The following PLAAT3 variants were observed in gnomAD, a reference collection of about 807,000 sequenced individuals.
PLAAT3 encodes the protein phospholipase A and acyltransferase 3, also known as Ca-independent phospholipase A1/2.
In PLAAT3, 21 loss-of-function variants were observed where a neutral mutation model predicts 16.7. That is an observed-to-expected ratio of 1.26 (90% CI 0.89 to 1.81). PLAAT3 has a LOEUF of 1.81. PLAAT3 is among the 40% of genes most tolerant of loss of function. The pLI is 0.00. For missense variants in PLAAT3, 219 were observed against 213.7 expected (o/e 1.02, Z -0.16); for synonymous variants, 76 against 81.7 (o/e 0.93, Z 0.38).
chr11:63,592,135 T>C (rs1286479394), intron 3 of PLAAT3, among the ~76,000 whole-genome samples: 1 of 152,124 alleles, frequency 6.6e-6, no homozygotes, highest in Non-Finnish European at 1.5e-5. Flanking sequence ...GATGCACAAA[T>C]ACATATCAAC....
intron 2 of PLAAT3, among the ~76,000 whole-genome samples, chr11:63,603,237 T>C (rs1938473285): frequency 6.6e-6 from 1 of 152,098 alleles, no homozygotes; most frequent in African/African-American, 2.4e-5. Context: ...AGGATCAAGG[T>C]CAGGGCCAGC....
At chr11:63,600,791 A>T (rs1009285158) in intron 2 of PLAAT3, among the ~76,000 whole-genome samples, 2 of 150,538 alleles carry the variant, frequency 1.3e-5, no homozygotes, top group African/African-American at 4.9e-5. Flanking sequence ...TTTAGTAGAG[A>T]TGGGGTTTCA....
chr11:63,615,288 G>GTA (rs373881894), upstream of PLAAT3, among the ~76,000 whole-genome samples: 4 of 108,716 alleles, frequency 3.7e-5, 2 homozygotes, highest in African/African-American at 1.3e-4. Context: ...GTATATATGT[G>GTA]TATATATATG....
chr11:63,614,404 C>A lies in PLAAT3; in HGVS notation c.-74G>T, dbSNP rs138447550. On this transcript the variant is annotated 5_prime_UTR_variant, in exon 1 of 5. Transcript: ENST00000415826. Reference sequence around the variant, plus strand: ...ACCCACCTCGCGGTCTCGGAGGCAGCGCTGCAGCCCCAGCAATTGGACCGG... The same window carrying A: ...ACCCACCTCGCGGTCTCGGAGGCAGAGCTGCAGCCCCAGCAATTGGACCGG... 6.6e-3 allele frequency: 1,490 copies of A among 224,374 alleles called. 26 individuals are homozygous for A. Among genetic ancestry groups the A allele is most frequent in the African/African-American group, 0.032 (1,403 of 43,904 alleles). The allele number at this position is 224,374 out of a possible 1,614,324, so 13.9% of individuals were successfully genotyped here.
intron 3 of PLAAT3, among the ~76,000 whole-genome samples, chr11:63,590,837 G>C (rs1938134962): frequency 6.6e-6 from 1 of 152,164 alleles, no homozygotes; most frequent in African/African-American, 2.4e-5. Flanking sequence ...ACGCACAGCT[G>C]TCCCCCTAGC....
At chr11:63,575,269 G>A (rs983889174) in intron 4 of PLAAT3, among the ~76,000 whole-genome samples, 3 of 152,238 alleles carry the variant, frequency 2.0e-5, no homozygotes, top group Non-Finnish European at 4.4e-5. Context: ...TGGAACCAAA[G>A]ATGGAAAACT....
rs375439389 is a variant in PLAAT3 at position 63,590,217 on chromosome 11, G to A, written c.270C>T (p.Ser90=). 5 of 1,614,222 alleles carry A rather than the reference G, an allele frequency of 3.1e-6. No individual in the cohort carries two copies. Among genetic ancestry groups the A allele is most frequent in the Non-Finnish European group, 3.4e-6 (4 of 1,180,026 alleles). The change falls in exon 4 of 5, where the codon AGC becomes AGT. Residue 90 remains serine (S), a synonymous_variant. Coordinates refer to ENST00000415826, the MANE Select transcript of PLAAT3 (RefSeq NM_001128203.2). ...GCTCCTCCGCCCGCTGGATGATTTT[G>A]CTGCAGGGCAGCGGCGAGTACTTGT... ...HDDKYSPLPC[S]KIIQRAEELV... is the part of the protein sequence containing the mutation.
At chr11:63,611,176 C>T (rs1317824586) in intron 2 of PLAAT3, among the ~76,000 whole-genome samples, 1 of 152,084 alleles carries the variant, frequency 6.6e-6, no homozygotes, top group Non-Finnish European at 1.5e-5. Flanking sequence ...GGCGCAATCT[C>T]GGCTCACTGC....
At chr11:63,601,624 G>T (rs1717879333) in intron 2 of PLAAT3, among the ~76,000 whole-genome samples, 1 of 152,124 alleles carries the variant, frequency 6.6e-6, no homozygotes, top group African/African-American at 2.4e-5. Context: ...ATCTTTAAAA[G>T]ACACTGCGAA....
At chr11:63,610,603 CTTCTT>C (rs1938668609) in intron 2 of PLAAT3, among the ~76,000 whole-genome samples, 1 of 151,530 alleles carries the variant, frequency 6.6e-6, no homozygotes, top group Non-Finnish European at 1.5e-5. Context: ...GTCCTCTTCT[CTTCTT>C]CTCTCCCCTC....
At chr11:63,610,596 C>T (rs1938668240) in intron 2 of PLAAT3, among the ~76,000 whole-genome samples, 1 of 152,158 alleles carries the variant, frequency 6.6e-6, no homozygotes, top group Non-Finnish European at 1.5e-5. Context: ...AAGAAGGGTC[C>T]TCTTCTCTTC....
chr11:63,610,252 C>G (rs2134434073), intron 2 of PLAAT3, among the ~76,000 whole-genome samples: 1 of 152,332 alleles, frequency 6.6e-6, no homozygotes, highest in African/African-American at 2.4e-5. Context: ...ACTCATCCCT[C>G]GAGATGGGCT....
intron 3 of PLAAT3, among the ~76,000 whole-genome samples, chr11:63,592,166 C>CT (rs1023138004): frequency 1.6e-4 from 24 of 150,116 alleles, no homozygotes; most frequent in African/African-American, 2.7e-4. Context: ...AAAGTTCCTT[C>CT]TTTTTTTTTT....
intron 2 of PLAAT3, among the ~76,000 whole-genome samples, chr11:63,601,081 G>A (rs1357904147): frequency 7.4e-6 from 1 of 135,080 alleles, no homozygotes; most frequent in Non-Finnish European, 1.6e-5. Flanking sequence ...TTGAGGCAGA[G>A]TCTCTCTCTG....
At chr11:63,614,285 G>GC in intron 1 of PLAAT3, 100 bp downstream of exon 1, 1 of 545,640 alleles carries the variant, frequency 1.8e-6, no homozygotes, top group Non-Finnish European at 3.3e-6. Flanking sequence ...GTCTACACCC[G>GC]CCCTACCCAA....
chr11:63,616,869 G>T (rs564390128), upstream of PLAAT3: 4 of 151,970 alleles, frequency 2.6e-5, 1 homozygote, highest in South Asian at 6.2e-4. Context: ...TGTAGTCCCA[G>T]CTACTCGGGA....
rs937818895 is a variant in PLAAT3 at position 63,589,962 on chromosome 11, C to G, written c.387+138G>C. On this transcript the variant is annotated intron_variant, in intron 4 of 4. Coordinates refer to ENST00000415826, the MANE Select transcript of PLAAT3 (RefSeq NM_001128203.2). ...CCCCACCCTTGTCCCCACCCTTGTC[C>G]CAACTGTGACATCCTCAAGGGCAGT... The G allele has an allele frequency of 2.5e-5, 18 of 726,024 alleles. No homozygotes were observed. In the East Asian group the frequency reaches 6.0e-4, roughly 24 times the overall value. The allele number at this position is 726,024 out of a possible 1,614,324, so 45.0% of individuals were successfully genotyped here.
chr11:63,614,154 G>GGCGT, intron 1 of PLAAT3, 86 bp from the exon 2 acceptor site: 1 of 1,120,220 alleles, frequency 8.9e-7, no homozygotes, highest in Middle Eastern at 2.0e-4. Flanking sequence ...TGTTGGGCAG[G>GGCGT]GCGTGAGAGG....
chr11:63,593,544 G>T lies in PLAAT3; in HGVS notation c.119-3176C>A, dbSNP rs369012384. Among the ~76,000 whole-genome samples, 179 of 152,298 alleles carry T rather than the reference G, an allele frequency of 1.2e-3. 3 individuals carry two copies. The South Asian group carries it at 0.035, about 30-fold the overall frequency. On this transcript the variant is annotated intron_variant, in intron 3 of 4. Coordinates refer to ENST00000415826, the MANE Select transcript of PLAAT3 (RefSeq NM_001128203.2). Reference sequence around the variant, plus strand: ...GCCGGGCCCTACAGGCCACAGTGTAGACTTTGATGCTTTGTTTTGGTTTGG... The same window carrying T: ...GCCGGGCCCTACAGGCCACAGTGTATACTTTGATGCTTTGTTTTGGTTTGG...
Sources: gnomAD v4.1 joint callset for allele counts (sites outside exome capture counted in the v4.1 genomes callset) on GRCh38, gnomAD v4.1.1 for gene constraint, MANE v1.5 for transcripts, NCBI Gene and HGNC (gene_info 2026-07-23, HGNC 2026-07-21) for gene names.